The following CDK15 variants were observed in gnomAD, a reference collection of about 807,000 sequenced individuals.
CDK15 encodes cyclin-dependent kinase 15.
Under a neutral mutation model 60.3 loss-of-function variants are expected in CDK15, and 62 were observed. That is an observed-to-expected ratio of 1.03 (90% CI 0.84 to 1.27). The LOEUF (loss-of-function observed/expected upper bound fraction) is 1.27. Among genes scored for constraint, CDK15 ranks in the 50% most tolerant of loss-of-function variants. The probability of loss-of-function intolerance (pLI) is 0.00; values close to 1 mark genes in which losing one functional copy is unlikely to be tolerated. For missense variants in CDK15, 541 were observed against 527.8 expected (o/e 1.03, Z -0.25); for synonymous variants, 194 against 195.7 (o/e 0.99, Z 0.07).
At chr2:201,822,744 T>A (rs1696286277) in intron 4 of CDK15, 65 bp from the exon 5 acceptor site, 1 of 878,240 alleles carries the variant, frequency 1.1e-6, no homozygotes, top group African/African-American at 1.7e-5. Flanking sequence ...ATATACCGTC[T>A]GATATCTTTA....
At chr2:201,834,236 G>A (rs116493291) in intron 7 of CDK15, among the ~76,000 whole-genome samples, 2,510 of 152,252 alleles carry the variant, frequency 0.016, 37 homozygotes, top group African/African-American at 0.035. Context: ...TTGATATAGA[G>A]ACATTGGTAG....
At chr2:201,812,871 T>C (rs2106154944) in intron 4 of CDK15, among the ~76,000 whole-genome samples, 2 of 152,290 alleles carry the variant, frequency 1.3e-5, no homozygotes, top group South Asian at 4.1e-4. Context: ...CCTCAGAAAA[T>C]TCCTATAAAA....
At chr2:201,821,944 G>C (rs1227464890) in intron 4 of CDK15, among the ~76,000 whole-genome samples, 3 of 152,070 alleles carry the variant, frequency 2.0e-5, no homozygotes, top group Non-Finnish European at 4.4e-5. Context: ...GCCTCCCTGA[G>C]TGCTGGGATC....
chr2:201,827,420 G>C (rs1399575382), intron 6 of CDK15, among the ~76,000 whole-genome samples: 1 of 152,170 alleles, frequency 6.6e-6, no homozygotes, highest in Admixed American at 6.5e-5. Context: ...ACTCCAGCTT[G>C]AGTGACAGAG....
chr2:201,843,233 C>A (rs1697481080), intron 8 of CDK15, among the ~76,000 whole-genome samples: 4 of 152,212 alleles, frequency 2.6e-5, no homozygotes, highest in Admixed American at 2.6e-4. Flanking sequence ...GTCGCCCAGG[C>A]TGGAGTGCAG....
chr2:201,849,653 CAT>C (rs1275600699), intron 9 of CDK15, among the ~76,000 whole-genome samples: 1 of 151,988 alleles, frequency 6.6e-6, no homozygotes, highest in Non-Finnish European at 1.5e-5. Context: ...GTGAAACAAA[CAT>C]AAACTATGTA....
At chr2:201,847,028 T>C (rs76619894) in intron 8 of CDK15, among the ~76,000 whole-genome samples, 3,089 of 152,334 alleles carry the variant, frequency 0.02, 41 homozygotes, top group Non-Finnish European at 0.035. Flanking sequence ...ATGACGCTTC[T>C]TACAATGATA....
intron 10 of CDK15, among the ~76,000 whole-genome samples, chr2:201,870,532 A>G (rs1698812712): frequency 6.6e-6 from 1 of 151,078 alleles, no homozygotes. Flanking sequence ...AAAAAAAAAA[A>G]AGCGAGACTC....
At chr2:201,823,018 T>G (rs537068270) in intron 5 of CDK15, 115 bp downstream of exon 5, 1 of 701,234 alleles carries the variant, frequency 1.4e-6, no homozygotes, top group South Asian at 1.8e-5. Flanking sequence ...AAAAGTATCA[T>G]GGAAATTTTC....
chr2:201,875,352 C>T (rs912645009), intron 11 of CDK15, among the ~76,000 whole-genome samples: 1 of 149,270 alleles, frequency 6.7e-6, no homozygotes, highest in Admixed American at 6.6e-5. Context: ...ATTGGTACAG[C>T]TCTTCTAGCT....
intron 12 of CDK15, chr2:201,889,264 C>T: frequency 1.0e-6 from 1 of 985,240 alleles, no homozygotes; most frequent in Non-Finnish European, 1.2e-6. Context: ...TTTTGAGCAC[C>T]CCAGATTTAT....
At chr2:201,878,760 G>T (rs1378273680) in intron 11 of CDK15, among the ~76,000 whole-genome samples, 1 of 152,172 alleles carries the variant, frequency 6.6e-6, no homozygotes, top group Non-Finnish European at 1.5e-5. Flanking sequence ...TAGGTGTTGG[G>T]CAAGGGGTCT....
chr2:201,838,448 C>T (rs1161150944), intron 8 of CDK15, among the ~76,000 whole-genome samples: 2 of 152,048 alleles, frequency 1.3e-5, no homozygotes, highest in African/African-American at 4.8e-5. Context: ...CCTTGGTTGC[C>T]CAGGCTGGAG....
intron 4 of CDK15, among the ~76,000 whole-genome samples, chr2:201,818,057 G>T (rs1696067276): frequency 6.6e-6 from 1 of 152,158 alleles, no homozygotes; most frequent in Non-Finnish European, 1.5e-5. Flanking sequence ...GGTTGGGGAG[G>T]ACTCCATCAT....
At chr2:201,836,238 C>G (rs1200589905) in intron 8 of CDK15, among the ~76,000 whole-genome samples, 1 of 130,362 alleles carries the variant, frequency 7.7e-6, no homozygotes. Flanking sequence ...GAGTCTCACT[C>G]TATTGCCCAG....
intron 3 of CDK15, among the ~76,000 whole-genome samples, chr2:201,811,101 C>T (rs1444479031): frequency 1.3e-5 from 2 of 151,450 alleles, no homozygotes; most frequent in Non-Finnish European, 2.9e-5. Flanking sequence ...CCTCAACCTC[C>T]CAAAGTGCTA....
Position 201,894,777 on chromosome 2 carries a change from A to G in CDK15, c.*1510A>G, listed in dbSNP as rs1699731472. On this transcript the variant is annotated 3_prime_UTR_variant, in exon 14 of 14. Coordinates refer to ENST00000652192, the MANE Select transcript of CDK15 (RefSeq NM_001366386.2). ...TCTCCAATGTTCCTGACACCTATCG[A>G]ATTTAGAGAATACACAACTCTTGCA... The G allele has an allele frequency of 6.6e-6, 1 of 152,118 alleles. No homozygotes were observed. Among genetic ancestry groups the G allele is most frequent in the Admixed American group, 6.6e-5 (1 of 15,262 alleles). The allele number at this position is 152,118 out of a possible 1,614,324, so 9.4% of individuals were successfully genotyped here.
At chr2:201,865,274 A>G (rs1184546650) in intron 10 of CDK15, among the ~76,000 whole-genome samples, 1 of 152,196 alleles carries the variant, frequency 6.6e-6, no homozygotes, top group Admixed American at 6.5e-5. Context: ...GCCATAGGTC[A>G]AAAATCATTT....
At chr2:201,837,255 T>C (rs1697133610) in intron 8 of CDK15, among the ~76,000 whole-genome samples, 1 of 148,378 alleles carries the variant, frequency 6.7e-6, no homozygotes, top group African/African-American at 2.5e-5. Context: ...ACCCCTGCAA[T>C]CCAGCCTGGG....
Sources: allele counts gnomAD v4.1 joint callset (sites outside exome capture counted in the v4.1 genomes callset), GRCh38; gene constraint gnomAD v4.1.1; transcripts MANE v1.5; gene names NCBI Gene and HGNC (gene_info 2026-07-23, HGNC 2026-07-21).